Variants in PHF2 observed in about 807,000 individuals in gnomAD.
PHF2 encodes the protein lysine-specific demethylase PHF2.
A neutral mutation model predicts 120.5 loss-of-function variants in PHF2; 27 were observed. That is an observed-to-expected ratio of 0.22 (90% confidence interval 0.17 to 0.31). The LOEUF (loss-of-function observed/expected upper bound fraction) is 0.31. Among genes scored for constraint, PHF2 ranks in the 10% least tolerant of loss-of-function variants. The probability of loss-of-function intolerance (pLI) is 1.00; values close to 1 mark genes in which losing one functional copy is unlikely to be tolerated. For synonymous variants in PHF2, 568 were observed against 592.5 expected (o/e 0.96, Z 0.60); for missense variants, 1,024 against 1,434.8 (o/e 0.71, Z 4.63).
In PHF2 at chr9:93,676,934, C is replaced by T. The variant is rs35236745; in HGVS notation, c.3173C>T (p.Ser1058Leu). The T allele has an allele frequency of 9.2e-4, 1,438 of 1,568,668 alleles. No individual in the cohort carries two copies. Among genetic ancestry groups the T allele is most frequent in the Non-Finnish European group, 1.2e-3 (1,340 of 1,154,342 alleles). Residue 1058 changes from serine (S) to leucine (L), a missense_variant, in exon 21 of 22, where the codon TCG (serine) becomes TTG (leucine). Ser to Leu is a moderately radical substitution (Grantham distance 145). Around this residue, in one of 2 missense-constraint regions of PHF2, gnomAD observed 677 missense variants for 857.4 expected, o/e 0.79. Transcript: ENST00000359246. ...VFLTQRRPSA[S>L]SPNNNTAAKG... Reference sequence around the variant, plus strand: ...CTCACACAGAGGCGGCCCTCCGCATCGTCTCCAAACAACAACACCGCTGCC... The same window carrying T: ...CTCACACAGAGGCGGCCCTCCGCATTGTCTCCAAACAACAACACCGCTGCC...
At chr9:93,672,332 G>A (rs1826815094) in intron 17 of PHF2, 1 of 912,934 alleles carries the variant, frequency 1.1e-6, no homozygotes, top group Admixed American at 6.2e-5. Flanking sequence ...AGGTGTAGAT[G>A]CAGATGTGGG....
intron 17 of PHF2, chr9:93,672,288 G>T (rs1826813517): frequency 5.1e-6 from 1 of 195,634 alleles, no homozygotes; most frequent in Non-Finnish European, 9.1e-6. Context: ...GTAGGTACAG[G>T]TGTAGATGCA....
intron 14 of PHF2, among the ~76,000 whole-genome samples, chr9:93,664,399 C>A (rs904441322): frequency 7.2e-5 from 11 of 152,224 alleles, no homozygotes; most frequent in African/African-American, 2.7e-4. Flanking sequence ...ACACTTGGGC[C>A]TGTGTGTGCT....
chr9:93,676,558 G>A (rs1157684199), intron 20 of PHF2, 36 bp from the exon 21 acceptor site: 3 of 1,558,030 alleles, frequency 1.9e-6, no homozygotes, highest in Admixed American at 1.8e-5. Context: ...CAAGTGGGCT[G>A]TGCGTCTGAG....
At chr9:93,645,456 CT>C (rs1826240124) in intron 3 of PHF2, among the ~76,000 whole-genome samples, 172 bp from the exon 4 acceptor site, 1 of 152,238 alleles carries the variant, frequency 6.6e-6, no homozygotes, top group Non-Finnish European at 1.5e-5. Flanking sequence ...GGCATCTGCC[CT>C]GGCTGCTCTA....
At position 93,629,997 on chromosome 9, in the gene PHF2, G is replaced by A. The variant is rs780698722; in HGVS notation, c.126G>A (p.Ala42=). 1.2e-5 allele frequency: 19 copies of A among 1,613,956 alleles called. No homozygotes were observed. In the East Asian group the frequency reaches 1.3e-4, roughly 11 times the overall value. The change falls in exon 2 of 22, where the codon GCG becomes GCA. Residue 42 remains alanine (A), a synonymous_variant. Transcript: ENST00000359246. ...GTGTTGGGGTGGAAGAGGAGGAGGC[G>A]CCCGACATCGACATATACCACTGCC... ...GSCVGVEEEE[A]PDIDIYHCPN...
chr9:93,599,832 C>G (rs539736364), intron 1 of PHF2, among the ~76,000 whole-genome samples: 2 of 152,356 alleles, frequency 1.3e-5, no homozygotes, highest in African/African-American at 4.8e-5. Flanking sequence ...CTCCCAGTTC[C>G]GTTGATCTGA....
At chr9:93,620,479 A>G (rs73651297) in intron 1 of PHF2, among the ~76,000 whole-genome samples, 9,211 of 152,302 alleles carry the variant, frequency 0.06, 960 homozygotes, top group African/African-American at 0.21. Context: ...CAACCTTTGA[A>G]GTCAGCAAGA....
chr9:93,639,621 G>T (rs959784847), intron 3 of PHF2, among the ~76,000 whole-genome samples: 1 of 152,108 alleles, frequency 6.6e-6, no homozygotes, highest in African/African-American at 2.4e-5. Context: ...GAATAGAAGT[G>T]GCAAGGTGAG....
intron 1 of PHF2, among the ~76,000 whole-genome samples, chr9:93,605,269 G>A (rs1399361836): frequency 1.3e-5 from 2 of 152,150 alleles, no homozygotes; most frequent in African/African-American, 4.8e-5. Flanking sequence ...CCTGGCTGGA[G>A]TGCAGTGGTG....
At chr9:93,645,158 C>T (rs1826233621) in intron 3 of PHF2, among the ~76,000 whole-genome samples, 2 of 152,240 alleles carry the variant, frequency 1.3e-5, no homozygotes, top group South Asian at 4.1e-4. Context: ...ATATCAGAGC[C>T]ATCTTAGTGG....
chr9:93,652,454 A>G (rs1021586939), intron 5 of PHF2, among the ~76,000 whole-genome samples: 2 of 151,958 alleles, frequency 1.3e-5, no homozygotes, highest in Admixed American at 6.6e-5. Flanking sequence ...CACCATGCCC[A>G]GCTAGTTTTT....
intron 1 of PHF2, among the ~76,000 whole-genome samples, chr9:93,580,016 T>TG (rs1862904192): frequency 6.6e-6 from 1 of 152,166 alleles, no homozygotes; most frequent in African/African-American, 2.4e-5. Context: ...GTTCTATCCT[T>TG]GGGGTCATGC....
chr9:93,658,641 G>T (rs1008810538), intron 10 of PHF2, among the ~76,000 whole-genome samples: 2 of 152,096 alleles, frequency 1.3e-5, no homozygotes, highest in Admixed American at 6.5e-5. Flanking sequence ...CCTGGAACCT[G>T]GTGGGGGCAG....
intron 1 of PHF2, among the ~76,000 whole-genome samples, chr9:93,582,662 C>A (rs1051778767): frequency 6.6e-6 from 1 of 152,142 alleles, no homozygotes; most frequent in African/African-American, 2.4e-5. Flanking sequence ...AGTGCTGGGT[C>A]ACTCACAGAA....
chr9:93,646,209 C>T (rs1037169510), intron 4 of PHF2, among the ~76,000 whole-genome samples: 3 of 152,214 alleles, frequency 2.0e-5, no homozygotes, highest in Non-Finnish European at 4.4e-5. Flanking sequence ...ACCAGAATCT[C>T]CTCGTCTGGA....
chr9:93,677,109 G>A lies in PHF2; in HGVS notation c.3202+146G>A. Reference sequence around the variant, plus strand: ...TGGGTGGCAGGGTGCTGTGGTCCAAGTTGGTTGCATCTTTGTGTGAGCGTA... The same window carrying A: ...TGGGTGGCAGGGTGCTGTGGTCCAAATTGGTTGCATCTTTGTGTGAGCGTA... On this transcript the variant is annotated intron_variant, in intron 21 of 21. Coordinates refer to ENST00000359246, the MANE Select transcript of PHF2 (RefSeq NM_005392.4). This position sits in a 1 kb window ranked among gnomAD's most constrained non-coding sequence, Gnocchi z 4.4. The A allele has an allele frequency of 2.4e-6, 2 of 839,404 alleles. No homozygotes were observed. The highest frequency in any genetic ancestry group is 2.1e-5 in the South Asian group (1 of 48,272). The allele number at this position is 839,404 out of a possible 1,614,324, so 52.0% of individuals were successfully genotyped here. A position where few individuals can be genotyped will look rare whatever the true frequency, so the allele number is the denominator to read the frequency against.
At chr9:93,599,084 C>T (rs530548767) in intron 1 of PHF2, among the ~76,000 whole-genome samples, 5 of 152,274 alleles carry the variant, frequency 3.3e-5, no homozygotes, top group East Asian at 3.9e-4. Flanking sequence ...GAGCTAGTCC[C>T]GTGTCCATCT....
intron 1 of PHF2, among the ~76,000 whole-genome samples, chr9:93,618,835 GGT>G (rs968213878): frequency 4.3e-4 from 59 of 138,084 alleles, no homozygotes; most frequent in Non-Finnish European, 7.2e-4. Flanking sequence ...TGATGTGTGT[GGT>G]GTGTGTGTGT....
Sources: allele counts gnomAD v4.1 joint callset (sites outside exome capture counted in the v4.1 genomes callset), GRCh38; gene constraint gnomAD v4.1.1; regional missense constraint gnomAD v4.1.1; non-coding constraint Gnocchi (gnomAD v3.1); transcripts MANE v1.5; gene names NCBI Gene and HGNC (gene_info 2026-07-23, HGNC 2026-07-21).